INTS6L: variants seen among roughly 807,000 people sequenced by gnomAD.
INTS6L encodes the protein integrator complex subunit 6 like.
Under a neutral mutation model 64.7 loss-of-function variants are expected in INTS6L, and 18 were observed. The observed-to-expected ratio is 0.28, with a 90% CI of 0.19 to 0.41. The LOEUF (loss-of-function observed/expected upper bound fraction) is 0.41, where lower values mean the gene tolerates loss of function less well. Ranked by LOEUF, INTS6L falls within the 10% of genes least tolerant of loss-of-function variation. INTS6L has a pLI of 1.00. For missense variants in INTS6L, 533 were observed against 661.0 expected, an observed-to-expected ratio of 0.81 and a Z score of 2.12; for synonymous variants, 227 against 235.9, an observed-to-expected ratio of 0.96 and a Z score of 0.34.
intron 9 of INTS6L, among the ~76,000 whole-genome samples, chrX:135,568,050 A>G (rs2086998113): frequency 9.0e-6 from 1 of 111,597 alleles, no homozygotes; most frequent in Non-Finnish European, 1.9e-5. Context: ...ACCTTAAGAC[A>G]CAAAATAAAG....
intron 3 of INTS6L, 119 bp from the exon 4 acceptor site, chrX:135,546,261 C>T: frequency 4.7e-6 from 2 of 428,091 alleles, no homozygotes; most frequent in South Asian, 9.2e-5. Context: ...TCATTTCTTC[C>T]TTATTTATCC....
In INTS6L at chrX:135,528,805, A is replaced by G. The variant is rs367880922; in HGVS notation, c.189+7487A>G. On this transcript the variant is annotated intron_variant, in intron 2 of 17. Coordinates refer to ENST00000639893, the MANE Select transcript of INTS6L (RefSeq NM_001351601.3). ...TTTCTTAAGATATTTTATGATGTTC[A>G]TATCCTAGGAATTGTTTCTGAAGGA... Among the ~76,000 whole-genome samples, 142 of 108,490 alleles carry G rather than the reference A, an allele frequency of 1.3e-3. 1 individual carries two copies. Among genetic ancestry groups the G allele is most frequent in the African/African-American group, 4.7e-3 (141 of 29,779 alleles). The allele number at this position is 108,490 out of a possible 115,157, so 94.2% of individuals were successfully genotyped here. A position where few individuals can be genotyped will look rare whatever the true frequency, so the allele number is the denominator to read the frequency against.
intron 2 of INTS6L, among the ~76,000 whole-genome samples, chrX:135,530,941 C>G (rs2085891407): frequency 8.9e-6 from 1 of 112,009 alleles, no homozygotes; most frequent in Admixed American, 9.5e-5. Flanking sequence ...TTATACTACT[C>G]ATTAATGCCA....
chrX:135,580,868 T>G (rs782531127), intron 16 of INTS6L, among the ~76,000 whole-genome samples, 182 bp from the exon 17 acceptor site: 2 of 112,881 alleles, frequency 1.8e-5, no homozygotes, highest in African/African-American at 6.4e-5. Context: ...CCTGCTACAT[T>G]TGGTTAGTGT....
intron 2 of INTS6L, among the ~76,000 whole-genome samples, chrX:135,536,566 TC>T (rs781805448): frequency 2.7e-5 from 3 of 111,847 alleles, no homozygotes; most frequent in Non-Finnish European, 5.6e-5. Flanking sequence ...CTAACACCAC[TC>T]CCACATCCCC....
At chrX:135,570,588 C>T (rs1242095388) in intron 11 of INTS6L, 42 bp downstream of exon 11, 2 of 1,139,750 alleles carry the variant, frequency 1.8e-6, no homozygotes, top group Non-Finnish European at 2.3e-6. Flanking sequence ...CCTTTGCCCT[C>T]AGAAGTGCAT....
In INTS6L at chrX:135,521,256, C is replaced by T; in HGVS notation, c.127C>T (p.Pro43Ser). 1.7e-6 allele frequency: 2 copies of T among 1,208,513 alleles called. No individual in the cohort carries two copies. Among genetic ancestry groups the T allele is most frequent in the Non-Finnish European group, 1.1e-6 (1 of 894,018 alleles). ...ELFLKLRARD[P>S]ASRGDRYMLV... is the part of the protein sequence containing the mutation. ...TGCCCCGCAGCTGCGCGCCCGGGAC[C>T]CGGCCAGCCGTGGAGACAGGTACAT... Residue 43 changes from proline (P) to serine (S), a missense_variant, in exon 2 of 18, where the codon CCG becomes TCG. Physicochemically the swap from Pro to Ser is moderately conservative, Grantham distance 74. Transcript: ENST00000639893.
rs1556515394 is a variant in INTS6L at position 135,547,257 on chromosome X, T to C, written c.734T>C (p.Ile245Thr). The C allele has an allele frequency of 8.3e-7, 1 of 1,207,136 alleles. No homozygotes were observed. The change falls in exon 6 of 18, where the codon ATT becomes ACT. Residue 245 changes from isoleucine to threonine, a missense_variant. By Grantham distance (89) the Ile-to-Thr change is moderately conservative (BLOSUM62 -1). Transcript: ENST00000639893. ...AAAACAGGACCAGATCCACTTCCTA[T>C]TGGAGAAGGTATAGTAGATAACTTT... The part of the protein sequence containing the change: ...FEKTGPDPLP[I>T]GEDGLMDSSR...
intron 14 of INTS6L, among the ~76,000 whole-genome samples, chrX:135,576,927 G>A (rs2087244838): frequency 2.7e-5 from 3 of 111,910 alleles, no homozygotes; most frequent in African/African-American, 9.8e-5. Flanking sequence ...CTGTATGTTA[G>A]TTTCCTCCTT....
chrX:135,545,857 CT>C (rs781992334), intron 3 of INTS6L, among the ~76,000 whole-genome samples: 1 of 111,596 alleles, frequency 9.0e-6, no homozygotes, highest in South Asian at 3.7e-4. Flanking sequence ...TGGAAAGAAA[CT>C]TTCAGTGTCC....
At chrX:135,550,260 C>G (rs2086464843) in intron 7 of INTS6L, among the ~76,000 whole-genome samples, 2 of 111,912 alleles carry the variant, frequency 1.8e-5, no homozygotes, top group Admixed American at 1.9e-4. Context: ...CTTCTTCCTA[C>G]TTTTCATCTT....
rs781934399 is a variant in INTS6L at position 135,572,961 on chromosome X, G to A, written c.1545G>A (p.Gly515=). The stretch of plus-strand genomic sequence containing the variant: ...GAAAACTATTGAAAGAAATCACAGG[G>A]GAAACTGCACTTAGACTGACAGAAT... ...NFRKLLKEIT[G]ETALRLTELN... is the part of the protein sequence containing the mutation. The change falls in exon 12 of 18, where the codon GGG becomes GGA. Residue 515 remains glycine (G), a synonymous_variant. Coordinates refer to ENST00000639893, the MANE Select transcript of INTS6L (RefSeq NM_001351601.3). The A allele has an allele frequency of 8.3e-7, 1 of 1,209,620 alleles. No individual in the cohort carries two copies. The highest frequency in any genetic ancestry group is 3.0e-5 in the East Asian group (1 of 33,751).
At chrX:135,572,114 CTG>C (rs1556527813) in intron 11 of INTS6L, 3 of 111,997 alleles carry the variant, frequency 2.7e-5, no homozygotes, top group African/African-American at 9.7e-5. Context: ...AATTTAATAA[CTG>C]GGTCACCAGT....
At chrX:135,554,972 C>T (rs1364482340) in intron 8 of INTS6L, among the ~76,000 whole-genome samples, 1 of 98,880 alleles carries the variant, frequency 1.0e-5, no homozygotes, top group Non-Finnish European at 2.0e-5. Context: ...CTCACTGCAA[C>T]CTCCACCTCC....
chrX:135,574,473 A>G (rs1478112358), intron 13 of INTS6L, among the ~76,000 whole-genome samples: 1 of 111,957 alleles, frequency 8.9e-6, no homozygotes, highest in Non-Finnish European at 1.9e-5. Flanking sequence ...GCCTACTGTG[A>G]TAAATTCAGT....
At chrX:135,581,273 G>A in intron 17 of INTS6L, 130 bp downstream of exon 17, 1 of 507,696 alleles carries the variant, frequency 2.0e-6, no homozygotes, top group Admixed American at 4.5e-5. Context: ...TCATAGTTAA[G>A]GCTGTCTCCA....
At chrX:135,523,953 A>G (rs921666192) in intron 2 of INTS6L, among the ~76,000 whole-genome samples, 7 of 112,217 alleles carry the variant, frequency 6.2e-5, no homozygotes, top group Non-Finnish European at 1.1e-4. Flanking sequence ...TTCTTAGCCT[A>G]TCTTTCCAAA....
intron 9 of INTS6L, among the ~76,000 whole-genome samples, chrX:135,558,638 T>C (rs910198275): frequency 1.8e-5 from 2 of 111,420 alleles, no homozygotes; most frequent in East Asian, 5.6e-4. Flanking sequence ...CAGTGGGTAA[T>C]AGAGTTTCAG....
chrX:135,578,931 A>G lies in INTS6L; in HGVS notation c.2120-857A>G, dbSNP rs141032316. 5.1e-3 allele frequency among the ~76,000 whole-genome samples: 574 copies of G among 111,524 alleles called. 9 individuals are homozygous for G. The highest frequency in any genetic ancestry group is 0.018 in the African/African-American group (538 of 30,690). ...CTGTCCTCAACTCTCCTGAGCACTC[A>G]GAAGGGACCCTGAACCAGCTTTAGT... On this transcript the variant is annotated intron_variant, in intron 15 of 17. Coordinates refer to ENST00000639893, the MANE Select transcript of INTS6L (RefSeq NM_001351601.3).
Sources: allele counts gnomAD v4.1 joint callset (sites outside exome capture counted in the v4.1 genomes callset), GRCh38; gene constraint gnomAD v4.1.1; transcripts MANE v1.5; gene names NCBI Gene and HGNC (gene_info 2026-07-23, HGNC 2026-07-21).